The following CNTNAP2 variants were observed in gnomAD, a reference collection of about 807,000 sequenced individuals.
CNTNAP2 encodes the protein contactin-associated protein-like 2.
A neutral mutation model predicts 155.2 loss-of-function variants in CNTNAP2; 98 were observed. The observed-to-expected ratio is 0.63, with a 90% confidence interval of 0.54 to 0.75. The LOEUF (loss-of-function observed/expected upper bound fraction) is 0.75, where lower values mean the gene tolerates loss of function less well. Ranked by LOEUF, CNTNAP2 falls within the 30% of genes least tolerant of loss-of-function variation. The pLI, the probability that CNTNAP2 is intolerant of heterozygous loss-of-function variation, is 0.00. For missense variants in CNTNAP2, 1,727 were observed against 1,688.1 expected, an observed-to-expected ratio of 1.02 and a Z score of -0.40; for synonymous variants, 651 against 631.2, an observed-to-expected ratio of 1.03 and a Z score of -0.47.
chr7:146,456,838 C>G (rs1200027008), intron 1 of CNTNAP2, among the ~76,000 whole-genome samples: 5 of 151,958 alleles, frequency 3.3e-5, no homozygotes, highest in Non-Finnish European at 7.4e-5. Flanking sequence ...ATGCAACAGC[C>G]CATTTGCAAT....
chr7:147,315,182 C>T (rs1205976993), intron 9 of CNTNAP2, among the ~76,000 whole-genome samples: 2 of 149,318 alleles, frequency 1.3e-5, no homozygotes, highest in Non-Finnish European at 3.0e-5. Flanking sequence ...TGAGGTTGGG[C>T]CCAGAAATAT....
intron 2 of CNTNAP2, among the ~76,000 whole-genome samples, chr7:146,782,034 A>C (rs542269982): frequency 1.6e-3 from 248 of 152,278 alleles, no homozygotes; most frequent in African/African-American, 5.9e-3. Flanking sequence ...CTTAATTAGG[A>C]AGCTTTATTC....
At chr7:148,005,799 G>A (rs925044776) in intron 15 of CNTNAP2, among the ~76,000 whole-genome samples, 2 of 152,176 alleles carry the variant, frequency 1.3e-5, no homozygotes, top group African/African-American at 4.8e-5. Flanking sequence ...TGCTGCTTCA[G>A]TGGTCCAGCA....
Position 147,397,461 on chromosome 7 carries a change from A to G in CNTNAP2, c.1670+1681A>G, listed in dbSNP as rs75429335. On this transcript the variant is annotated intron_variant, in intron 10 of 23. Coordinates refer to ENST00000361727, the MANE Select transcript of CNTNAP2 (RefSeq NM_014141.6). ...TTTTCAGGTCAGTAATTGTGATGAT[A>G]CAATAATTTCATTACCTCTTTCAGC... 4.4e-3 allele frequency among the ~76,000 whole-genome samples: 675 copies of G among 152,170 alleles called. 5 individuals carry two copies. The highest frequency in any genetic ancestry group is 0.015 in the African/African-American group (627 of 41,540).
At chr7:147,277,502 A>G (rs930034875) in intron 8 of CNTNAP2, among the ~76,000 whole-genome samples, 2 of 152,026 alleles carry the variant, frequency 1.3e-5, no homozygotes, top group Non-Finnish European at 2.9e-5. Context: ...AGAATTTACT[A>G]CTATTTGAAC....
At chr7:148,017,773 A>G (rs1421132934) in intron 15 of CNTNAP2, among the ~76,000 whole-genome samples, 1 of 152,238 alleles carries the variant, frequency 6.6e-6, no homozygotes, top group Non-Finnish European at 1.5e-5. Flanking sequence ...GTGGTATATT[A>G]CATTCCAGTG....
At chr7:146,200,233 C>A (rs181673520) in intron 1 of CNTNAP2, among the ~76,000 whole-genome samples, 165 of 152,244 alleles carry the variant, frequency 1.1e-3, no homozygotes, top group African/African-American at 3.8e-3. Flanking sequence ...GTGGGGCTCA[C>A]GCCTGTAATT....
At chr7:146,642,174 A>G (rs1468893624) in intron 1 of CNTNAP2, among the ~76,000 whole-genome samples, 1 of 150,690 alleles carries the variant, frequency 6.6e-6, no homozygotes, top group African/African-American at 2.4e-5. Flanking sequence ...TTTTATTATT[A>G]TACTTTAAGT....
intron 15 of CNTNAP2, among the ~76,000 whole-genome samples, chr7:148,006,878 G>T (rs375132041): frequency 6.6e-6 from 1 of 152,146 alleles, no homozygotes; most frequent in Non-Finnish European, 1.5e-5. Flanking sequence ...TGTATCTTCA[G>T]GTTGAGGCTA....
intron 15 of CNTNAP2, among the ~76,000 whole-genome samples, chr7:148,028,040 T>C (rs368683094): frequency 1.3e-5 from 2 of 152,200 alleles, no homozygotes; most frequent in Non-Finnish European, 2.9e-5. Flanking sequence ...TTCATACTCA[T>C]AAACATTCTC....
At chr7:146,398,184 C>CATT (rs767177611) in intron 1 of CNTNAP2, among the ~76,000 whole-genome samples, 7 of 107,032 alleles carry the variant, frequency 6.5e-5, no homozygotes, top group Admixed American at 3.1e-4. Flanking sequence ...CGGCCCCAAA[C>CATT]TTTTTTTTTT....
intron 1 of CNTNAP2, among the ~76,000 whole-genome samples, chr7:146,766,548 G>T (rs1417466063): frequency 1.3e-5 from 2 of 152,082 alleles, no homozygotes; most frequent in East Asian, 3.9e-4. Flanking sequence ...AAAAGCACAG[G>T]CCTTAGAATC....
intron 3 of CNTNAP2, among the ~76,000 whole-genome samples, chr7:146,942,511 CTG>C (rs1372423258): frequency 6.6e-6 from 1 of 152,020 alleles, no homozygotes; most frequent in Non-Finnish European, 1.5e-5. Flanking sequence ...ATGATTGTAA[CTG>C]TTATTACAAG....
chr7:146,989,708 T>G (rs1798175522), intron 3 of CNTNAP2, among the ~76,000 whole-genome samples: 1 of 152,112 alleles, frequency 6.6e-6, no homozygotes, highest in South Asian at 2.1e-4. Flanking sequence ...ATCTATCCAA[T>G]CCATCCCTTA....
At chr7:147,107,843 A>C (rs575409021) in intron 4 of CNTNAP2, among the ~76,000 whole-genome samples, 1 of 152,198 alleles carries the variant, frequency 6.6e-6, no homozygotes, top group East Asian at 1.9e-4. Flanking sequence ...TTTGGTCTAA[A>C]CTCTAGATTT....
chr7:146,720,031 GGTTT>G (rs984063385), intron 1 of CNTNAP2, among the ~76,000 whole-genome samples: 1 of 151,722 alleles, frequency 6.6e-6, no homozygotes, highest in African/African-American at 2.4e-5. Context: ...CTGTTTTTTT[GGTTT>G]GTTTGTTTTT....
At chr7:146,881,755 ATTTT>A (rs11416504) in intron 3 of CNTNAP2, among the ~76,000 whole-genome samples, 2 of 123,714 alleles carry the variant, frequency 1.6e-5, no homozygotes, top group African/African-American at 6.2e-5. Context: ...GATCCCTATA[ATTTT>A]TTTTTTTTTT....
At chr7:148,294,679 T>C (rs1299009832) in intron 21 of CNTNAP2, among the ~76,000 whole-genome samples, 1 of 152,216 alleles carries the variant, frequency 6.6e-6, no homozygotes, top group Non-Finnish European at 1.5e-5. Flanking sequence ...TATATTACTG[T>C]ATTTCATTAA....
intron 9 of CNTNAP2, among the ~76,000 whole-genome samples, chr7:147,319,343 G>A (rs980705464): frequency 1.3e-5 from 2 of 151,976 alleles, no homozygotes; most frequent in Non-Finnish European, 1.5e-5. Flanking sequence ...TAAATACATT[G>A]TTTCTTTTAT....
Sources: allele counts gnomAD v4.1 joint callset (sites outside exome capture counted in the v4.1 genomes callset), GRCh38; gene constraint gnomAD v4.1.1; transcripts MANE v1.5; gene names NCBI Gene and HGNC (gene_info 2026-07-23, HGNC 2026-07-21).